The following KCNH8 variants were observed in gnomAD, a reference collection of about 807,000 sequenced individuals.
The protein encoded by KCNH8 is potassium voltage-gated channel subfamily H member 8.
KCNH8 carries 70 observed loss-of-function variants against 103.6 expected under a neutral mutation model. The ratio of observed to expected loss-of-function variants is 0.68; its 90% CI spans 0.56 to 0.82. The LOEUF (loss-of-function observed/expected upper bound fraction) is 0.82. Ranked by LOEUF, KCNH8 falls within the 40% of genes least tolerant of loss-of-function variation. KCNH8 has a pLI of 0.00. For missense variants in KCNH8, 1,217 were observed against 1,329.9 expected, an observed-to-expected ratio of 0.92 and a Z score of 1.32; for synonymous variants, 498 against 489.4, an observed-to-expected ratio of 1.02 and a Z score of -0.23.
intron 6 of KCNH8, among the ~76,000 whole-genome samples, chr3:19,392,301 T>C (rs1326032721): frequency 8.3e-6 from 1 of 119,890 alleles, no homozygotes; most frequent in African/African-American, 3.3e-5. Flanking sequence ...ATACAAGGTA[T>C]AGGGCAACAT....
intron 15 of KCNH8, among the ~76,000 whole-genome samples, chr3:19,531,336 T>C (rs1003506507): frequency 2.0e-5 from 3 of 152,190 alleles, no homozygotes; most frequent in Non-Finnish European, 4.4e-5. Flanking sequence ...GGGTAATGAT[T>C]TAAGTGTGAT....
chr3:19,350,680 G>A (rs1377030081), intron 5 of KCNH8, among the ~76,000 whole-genome samples: 1 of 152,074 alleles, frequency 6.6e-6, no homozygotes, highest in Non-Finnish European at 1.5e-5. Context: ...CTGTTAGAAG[G>A]AAAACTAACA....
intron 7 of KCNH8, among the ~76,000 whole-genome samples, chr3:19,411,825 T>A (rs1185967863): frequency 1.3e-5 from 2 of 150,680 alleles, no homozygotes; most frequent in South Asian, 2.1e-4. Context: ...ACCAAGGAGA[T>A]GAAAGATATC....
chr3:19,445,026 C>T (rs888144659), intron 8 of KCNH8, among the ~76,000 whole-genome samples: 10 of 151,886 alleles, frequency 6.6e-5, no homozygotes, highest in African/African-American at 2.2e-4. Context: ...AGGTTATATA[C>T]ACAGATGTCT....
intron 1 of KCNH8, among the ~76,000 whole-genome samples, chr3:19,154,346 TG>T (rs1204635663): frequency 6.6e-6 from 1 of 152,056 alleles, no homozygotes; most frequent in Non-Finnish European, 1.5e-5. Context: ...AAGAGGGCAA[TG>T]GAAAGTAGGT....
chr3:19,465,453 A>G (rs75135569), intron 11 of KCNH8, among the ~76,000 whole-genome samples: 6,395 of 152,224 alleles, frequency 0.042, 305 homozygotes, highest in East Asian at 0.23. Flanking sequence ...CATTGACAGT[A>G]TACCTTGTTA....
chr3:19,353,292 T>C (rs1371954243), intron 5 of KCNH8, among the ~76,000 whole-genome samples: 2 of 152,172 alleles, frequency 1.3e-5, no homozygotes, highest in East Asian at 3.9e-4. Flanking sequence ...ACAGCCGAAT[T>C]CTACCAGAGG....
chr3:19,361,548 C>T (rs778293568), intron 5 of KCNH8, among the ~76,000 whole-genome samples: 8 of 152,098 alleles, frequency 5.3e-5, no homozygotes, highest in Admixed American at 2.0e-4. Flanking sequence ...GCAATACCAA[C>T]CATGGGAGAT....
In KCNH8 at chr3:19,178,750, C is replaced by A. The variant is rs1247222579; in HGVS notation, c.76+29955C>A. Among the ~76,000 whole-genome samples, 3 of 152,076 alleles carry A rather than the reference C, an allele frequency of 2.0e-5. No individual in the cohort carries two copies. In the East Asian group the frequency reaches 5.8e-4, roughly 29 times the overall value. On this transcript the variant is annotated intron_variant, in intron 1 of 15. Coordinates refer to ENST00000328405, the MANE Select transcript of KCNH8 (RefSeq NM_144633.3). Reference sequence around the variant, plus strand: ...GGTAATTTGGACTTATGGTTCAGGTCTTGCATGTCAAGTAATATGGTTAGA... The same window carrying A: ...GGTAATTTGGACTTATGGTTCAGGTATTGCATGTCAAGTAATATGGTTAGA...
At chr3:19,222,095 C>T (rs1016000568) in intron 1 of KCNH8, among the ~76,000 whole-genome samples, 2 of 152,100 alleles carry the variant, frequency 1.3e-5, no homozygotes, top group Non-Finnish European at 2.9e-5. Flanking sequence ...GTGATCCTCC[C>T]GCCTCGGCCT....
At chr3:19,290,672 C>T (rs1209967449) in intron 3 of KCNH8, among the ~76,000 whole-genome samples, 1 of 152,128 alleles carries the variant, frequency 6.6e-6, no homozygotes, top group Non-Finnish European at 1.5e-5. Context: ...AGGATTTTTG[C>T]ATCAGTGTTA....
chr3:19,326,761 T>C (rs1266120640), intron 3 of KCNH8, among the ~76,000 whole-genome samples: 1 of 152,184 alleles, frequency 6.6e-6, no homozygotes, highest in Admixed American at 6.5e-5. Context: ...TACCAATTAG[T>C]CTTTGCTGCA....
At chr3:19,240,615 A>G (rs1487791389) in intron 1 of KCNH8, among the ~76,000 whole-genome samples, 1 of 151,712 alleles carries the variant, frequency 6.6e-6, no homozygotes, top group African/African-American at 2.4e-5. Flanking sequence ...TCTGTCTAAA[A>G]AAAAAAAAAA....
chr3:19,529,447 C>T (rs1429069096), intron 15 of KCNH8, among the ~76,000 whole-genome samples: 1 of 152,146 alleles, frequency 6.6e-6, no homozygotes, highest in Non-Finnish European at 1.5e-5. Flanking sequence ...GCTTTGTTCA[C>T]GAAGTAGCCC....
chr3:19,288,547 A>G (rs555067978), intron 3 of KCNH8, among the ~76,000 whole-genome samples: 247 of 152,238 alleles, frequency 1.6e-3, no homozygotes, highest in Middle Eastern at 3.4e-3. Context: ...ATGTCCCTAC[A>G]AAGGACATGA....
At chr3:19,229,724 T>C (rs2063971626) in intron 1 of KCNH8, among the ~76,000 whole-genome samples, 1 of 152,220 alleles carries the variant, frequency 6.6e-6, no homozygotes, top group African/African-American at 2.4e-5. Context: ...TTATTGTTCA[T>C]ATCACTATCA....
intron 8 of KCNH8, among the ~76,000 whole-genome samples, chr3:19,447,690 C>T (rs1398210709): frequency 6.6e-6 from 1 of 151,926 alleles, no homozygotes; most frequent in African/African-American, 2.4e-5. Context: ...CAGTTCTTTT[C>T]TTTGGTGAGT....
At chr3:19,376,522 C>T (rs960851384) in intron 5 of KCNH8, among the ~76,000 whole-genome samples, 13 of 152,260 alleles carry the variant, frequency 8.5e-5, no homozygotes, top group South Asian at 6.2e-4. Context: ...GAGATGAACC[C>T]GGTACCTCAG....
chr3:19,431,325 G>T (rs1321756954), intron 7 of KCNH8, among the ~76,000 whole-genome samples: 1 of 152,178 alleles, frequency 6.6e-6, no homozygotes, highest in Non-Finnish European at 1.5e-5. Flanking sequence ...TGCATTTCTG[G>T]CGTGAAGCCT....
Sources: gnomAD v4.1 joint callset for allele counts (sites outside exome capture counted in the v4.1 genomes callset) on GRCh38, gnomAD v4.1.1 for gene constraint, MANE v1.5 for transcripts, NCBI Gene and HGNC (gene_info 2026-07-23, HGNC 2026-07-21) for gene names.